RHOBTB1: variants seen among roughly 807,000 people sequenced by gnomAD.
The protein encoded by RHOBTB1 is rho-related BTB domain-containing protein 1.
In RHOBTB1, 40 loss-of-function variants were observed where a neutral mutation model predicts 71.6. That is an observed-to-expected ratio of 0.56 (90% CI 0.43 to 0.73). The LOEUF (loss-of-function observed/expected upper bound fraction) is 0.73. RHOBTB1 is among the 30% of genes least tolerant of loss of function. RHOBTB1 has a pLI of 0.00. For synonymous variants in RHOBTB1, 319 were observed against 334.9 expected, an observed-to-expected ratio of 0.95 and a Z score of 0.52; for missense variants, 797 against 894.0, an observed-to-expected ratio of 0.89 and a Z score of 1.38.
upstream of RHOBTB1, among the ~76,000 whole-genome samples, chr10:60,945,464 A>G (rs540427387): frequency 1.3e-5 from 2 of 152,296 alleles, no homozygotes; most frequent in South Asian, 4.1e-4. Context: ...TATCCCCCCA[A>G]AAACAGGATG....
intron 2 of RHOBTB1, among the ~76,000 whole-genome samples, chr10:60,932,083 C>T (rs61853063): frequency 6.6e-6 from 1 of 152,064 alleles, no homozygotes; most frequent in Non-Finnish European, 1.5e-5. Context: ...GAAAGTAGTT[C>T]CAGATTTGTT....
chr10:60,931,110 T>C (rs2084221786), intron 2 of RHOBTB1, among the ~76,000 whole-genome samples: 1 of 152,178 alleles, frequency 6.6e-6, no homozygotes, highest in African/African-American at 2.4e-5. Context: ...AACTTGTTCC[T>C]GCCATTTTCT....
Position 60,911,363 on chromosome 10 carries a change from G to A in RHOBTB1, c.180C>T (p.Arg60=), listed in dbSNP as rs542160788. Residue 60 remains arginine (R), a synonymous_variant, in exon 3 of 11, where the codon CGC becomes CGT. Transcript: ENST00000337910. The part of the protein sequence containing the change: ...VPTVWAIDQY[R]VCQEVLERSR... Reference sequence around the variant, plus strand: ...CTGTGCATCTTACCTCCTGGCACACGCGGTACTGGTCAATCGCCCACACTG... The same window carrying A: ...CTGTGCATCTTACCTCCTGGCACACACGGTACTGGTCAATCGCCCACACTG... 2.0e-5 allele frequency: 32 copies of A among 1,612,510 alleles called. 2 individuals are homozygous for A. Among genetic ancestry groups the A allele is most frequent in the Middle Eastern group, 3.3e-4 (2 of 6,060 alleles).
intron 1 of RHOBTB1, among the ~76,000 whole-genome samples, chr10:60,986,182 T>A (rs1279930483): frequency 6.6e-6 from 1 of 151,980 alleles, no homozygotes; most frequent in African/African-American, 2.4e-5. Flanking sequence ...ATAGTTTCCA[T>A]CTGAGTGAAC....
At chr10:60,967,597 G>C (rs1177408289) in intron 2 of RHOBTB1, among the ~76,000 whole-genome samples, 1 of 152,054 alleles carries the variant, frequency 6.6e-6, no homozygotes, top group Non-Finnish European at 1.5e-5. Context: ...ATGTCAAGGA[G>C]AGAATGATGT....
At chr10:60,954,551 T>C (rs2085521631) in intron 2 of RHOBTB1, among the ~76,000 whole-genome samples, 1 of 152,186 alleles carries the variant, frequency 6.6e-6, no homozygotes, top group East Asian at 1.9e-4. Context: ...TACATTCAAA[T>C]ATCCCATGCA....
chr10:60,889,392 G>C (rs186803426), intron 5 of RHOBTB1, among the ~76,000 whole-genome samples: 2 of 152,258 alleles, frequency 1.3e-5, no homozygotes. Flanking sequence ...ATATTTCAGA[G>C]TTTCAATGCA....
rs867572322 is a variant in RHOBTB1, at chr10:60,955,048, T to C, written c.-61-13194A>G. On this transcript the variant is annotated intron_variant, in intron 2 of 11. Transcript: ENST00000357917. ...ATCTTTTCTTTTCTTTCTTTCTTTTTTTTTTTTTTTTTTTAAGATGTAGTC... is the reference window on the plus strand; with the variant it reads ...ATCTTTTCTTTTCTTTCTTTCTTTTCTTTTTTTTTTTTTTAAGATGTAGTC... Among the ~76,000 whole-genome samples, 800 of 147,710 alleles carry C rather than the reference T, an allele frequency of 5.4e-3. 7 individuals carry two copies. The highest frequency in any genetic ancestry group is 0.019 in the African/African-American group (760 of 40,288).
intron 9 of RHOBTB1, among the ~76,000 whole-genome samples, chr10:60,872,969 G>A (rs974343327): frequency 3.3e-5 from 5 of 152,156 alleles, no homozygotes; most frequent in African/African-American, 9.7e-5. Flanking sequence ...TTCTGTCTGT[G>A]CCCTTCTCTG....
At chr10:60,965,531 C>T (rs1006764198) in intron 2 of RHOBTB1, among the ~76,000 whole-genome samples, 1 of 152,052 alleles carries the variant, frequency 6.6e-6, no homozygotes, top group Non-Finnish European at 1.5e-5. Context: ...GTGTTCAATA[C>T]ATATTTGTAA....
rs898443787 is a variant in RHOBTB1 at position 60,949,553 on chromosome 10, A to G, written c.-61-7699T>C. 3.3e-5 allele frequency among the ~76,000 whole-genome samples: 5 copies of G among 151,962 alleles called. No individual in the cohort carries two copies. The South Asian group carries it at 8.3e-4, about 25-fold the overall frequency. On this transcript the variant is annotated intron_variant, in intron 2 of 11. Coordinates refer to the RHOBTB1 transcript ENST00000357917. The stretch of plus-strand genomic sequence containing the variant: ...GGGAAATTGGAGCAAGTTTTGGTGT[A>G]GGAATCAACTAAAAAGTGATGTCTT...
At chr10:60,962,174 A>C (rs116366278) in intron 2 of RHOBTB1, among the ~76,000 whole-genome samples, 14 of 152,094 alleles carry the variant, frequency 9.2e-5, no homozygotes, top group Non-Finnish European at 2.1e-4. Context: ...GGAAATTTTC[A>C]TAATGAGCCA....
At chr10:60,868,229 C>T (rs1165873222), downstream of RHOBTB1, among the ~76,000 whole-genome samples, 1 of 152,146 alleles carries the variant, frequency 6.6e-6, no homozygotes, top group Non-Finnish European at 1.5e-5. Flanking sequence ...GCTATTTGCC[C>T]TCTAACATCC....
At position 60,892,954 on chromosome 10, in the gene RHOBTB1, T is replaced by C. The variant is rs760494688; in HGVS notation, c.338A>G (p.Asn113Ser). ...CATGCTTTTCACATGATTTAGGGAA[T>C]TGGGATTAGCAATCGAAAAACAGAG... ...VVLCFSIANPNSLNHVKSMWY... is the reference protein window; with the variant it reads ...VVLCFSIANPSSLNHVKSMWY... Residue 113 changes from asparagine (N) to serine (S), a missense_variant, in exon 5 of 11, where the codon AAT (asparagine) becomes AGT (serine). Coordinates refer to ENST00000337910, the MANE Select transcript of RHOBTB1 (RefSeq NM_014836.5). 2.5e-6 allele frequency: 4 copies of C among 1,614,048 alleles called. No homozygotes were observed. Among genetic ancestry groups the C allele is most frequent in the Non-Finnish European group, 1.7e-6 (2 of 1,179,974 alleles).
At chr10:60,951,723 G>A (rs2085414815) in intron 2 of RHOBTB1, among the ~76,000 whole-genome samples, 1 of 152,176 alleles carries the variant, frequency 6.6e-6, no homozygotes, top group African/African-American at 2.4e-5. Flanking sequence ...TGCTTTGAAT[G>A]GCACTTTGGG....
At chr10:60,962,665 G>A (rs949660090) in intron 2 of RHOBTB1, among the ~76,000 whole-genome samples, 1 of 152,030 alleles carries the variant, frequency 6.6e-6, no homozygotes, top group Admixed American at 6.6e-5. Flanking sequence ...AGTATTTAAA[G>A]CTTCTGTCCT....
chr10:60,896,099 G>C (rs2082148716), intron 4 of RHOBTB1, among the ~76,000 whole-genome samples: 1 of 152,192 alleles, frequency 6.6e-6, no homozygotes, highest in Admixed American at 6.5e-5. Flanking sequence ...AAGACCTGCA[G>C]CTAAGAATAT....
At chr10:60,909,593 A>T (rs2082863209) in intron 4 of RHOBTB1, among the ~76,000 whole-genome samples, 1 of 152,216 alleles carries the variant, frequency 6.6e-6, no homozygotes, top group South Asian at 2.1e-4. Context: ...CAGCAGTTAC[A>T]AGCAGGTTCA....
chr10:60,966,927 C>A (rs182151115), intron 2 of RHOBTB1, among the ~76,000 whole-genome samples: 1 of 151,312 alleles, frequency 6.6e-6, no homozygotes, highest in East Asian at 2.0e-4. Context: ...AGCAGCACTG[C>A]GCCAGGCACT....
Sources: gnomAD v4.1 joint callset for allele counts (sites outside exome capture counted in the v4.1 genomes callset) on GRCh38, gnomAD v4.1.1 for gene constraint, MANE v1.5 for transcripts, NCBI Gene and HGNC (gene_info 2026-07-23, HGNC 2026-07-21) for gene names.